The following COL4A5 variants were observed in gnomAD, a reference collection of about 807,000 sequenced individuals.
COL4A5 encodes the protein collagen type IV alpha 5 chain.
Under a neutral mutation model 130.2 loss-of-function variants are expected in COL4A5, and 26 were observed. That is an observed-to-expected ratio of 0.20 (90% CI 0.15 to 0.28). The LOEUF (loss-of-function observed/expected upper bound fraction) is 0.28. Ranked by LOEUF, COL4A5 falls within the 10% of genes least tolerant of loss-of-function variation. The pLI is 1.00. For missense variants in COL4A5, 1,131 were observed against 1,344.3 expected (o/e 0.84, Z 2.48); for synonymous variants, 496 against 439.6 (o/e 1.13, Z -1.60).
chrX:108,542,769 G>T (rs368322995), intron 2 of COL4A5, among the ~76,000 whole-genome samples: 4,359 of 101,117 alleles, frequency 0.043, 387 homozygotes, highest in African/African-American at 0.17. Context: ...TCCAGCACCT[G>T]TTGTTTCCTG....
intron 30 of COL4A5, among the ~76,000 whole-genome samples, chrX:108,615,915 A>G (rs1321937394): frequency 8.9e-6 from 1 of 112,516 alleles, no homozygotes; most frequent in East Asian, 2.8e-4. Flanking sequence ...TCCTGACCTT[A>G]AATGGCAGTA....
chrX:108,550,647 A>G (rs1054573022), intron 2 of COL4A5, among the ~76,000 whole-genome samples: 15 of 111,965 alleles, frequency 1.3e-4, no homozygotes, highest in Non-Finnish European at 2.5e-4. Context: ...ATCTGCTCTC[A>G]CCATTTCTAT....
chrX:108,591,740 C>T (rs2066439614), intron 21 of COL4A5, 96 bp downstream of exon 21: 1 of 676,888 alleles, frequency 1.5e-6, no homozygotes. Flanking sequence ...TAGCCACTGA[C>T]TCCCATGGTC....
intron 1 of COL4A5, among the ~76,000 whole-genome samples, chrX:108,528,607 G>A (rs942125021): frequency 7.2e-5 from 8 of 111,691 alleles, no homozygotes; most frequent in African/African-American, 9.7e-5. Context: ...AGATAATTCC[G>A]AAAAACAATA....
intron 22 of COL4A5, among the ~76,000 whole-genome samples, chrX:108,595,968 G>A (rs2066508627): frequency 9.0e-6 from 1 of 111,622 alleles, no homozygotes; most frequent in Admixed American, 9.5e-5. Context: ...TCCAGTCACT[G>A]GGGATGTATC....
intron 37 of COL4A5, among the ~76,000 whole-genome samples, chrX:108,662,650 T>C (rs577590511): frequency 9.0e-6 from 1 of 111,554 alleles, no homozygotes; most frequent in Non-Finnish European, 1.9e-5. Context: ...GGAATACAAC[T>C]TACAAGGGAT....
chrX:108,609,481 A>G (rs749707194), intron 29 of COL4A5, among the ~76,000 whole-genome samples: 3 of 111,878 alleles, frequency 2.7e-5, no homozygotes, highest in African/African-American at 6.5e-5. Context: ...TATGTCCTGC[A>G]TACTGGCCCT....
At chrX:108,449,914 T>C (rs1360602894) in intron 1 of COL4A5, among the ~76,000 whole-genome samples, 4 of 112,018 alleles carry the variant, frequency 3.6e-5, no homozygotes, top group African/African-American at 1.3e-4. Flanking sequence ...CATAAACATG[T>C]ATCATAGCAA....
At chrX:108,617,458 AT>A (rs1169091722) in intron 30 of COL4A5, among the ~76,000 whole-genome samples, 1 of 111,758 alleles carries the variant, frequency 8.9e-6, no homozygotes, top group Non-Finnish European at 1.9e-5. Flanking sequence ...GTTTTCTATT[AT>A]TTAATTAAGC....
chrX:108,581,292 G>A (rs1221505601), intron 16 of COL4A5, among the ~76,000 whole-genome samples: 3 of 111,846 alleles, frequency 2.7e-5, no homozygotes, highest in Admixed American at 1.9e-4. Context: ...ACATCACAGA[G>A]AATGGGGTAT....
intron 1 of COL4A5, among the ~76,000 whole-genome samples, chrX:108,498,571 G>A (rs2065052987): frequency 9.0e-6 from 1 of 111,173 alleles, no homozygotes; most frequent in African/African-American, 3.3e-5. Flanking sequence ...GAATCTATGG[G>A]CAAATTTTGG....
rs2064366299 is a variant in COL4A5 at position 108,439,888 on chromosome X, G to C, written c.-238G>C. The C allele has an allele frequency of 4.3e-5, 18 of 416,502 alleles. No individual in the cohort carries two copies. The South Asian group carries it at 6.6e-4, about 15-fold the overall frequency. The allele number at this position is 416,502 out of a possible 1,213,427, so 34.3% of individuals were successfully genotyped here. On this transcript the variant is annotated 5_prime_UTR_variant, in exon 1 of 53. Transcript: ENST00000328300. ...AAAGTTTGCAAGTCTGGACAGAAGG[G>C]AAAAGTTCTCCTGAGAGACCGGCTT...
intron 18 of COL4A5, among the ~76,000 whole-genome samples, chrX:108,585,743 A>G: frequency 9.0e-6 from 1 of 111,573 alleles, no homozygotes; most frequent in South Asian, 3.7e-4. Flanking sequence ...TTTTAAGAAA[A>G]TACTTAATGA....
chrX:108,598,663 G>A (rs761291776), intron 24 of COL4A5, 39 bp from the exon 25 acceptor site: 1 of 1,122,110 alleles, frequency 8.9e-7, no homozygotes, highest in Non-Finnish European at 1.2e-6. Flanking sequence ...GATAGTTGTT[G>A]TATCTATATG....
chrX:108,533,702 A>T (rs1351777229), intron 1 of COL4A5, among the ~76,000 whole-genome samples: 1 of 111,261 alleles, frequency 9.0e-6, no homozygotes, highest in East Asian at 2.8e-4. Flanking sequence ...TTAAATAAAA[A>T]GCTTCTGAAC....
chrX:108,495,733 G>T (rs748975327), intron 1 of COL4A5, among the ~76,000 whole-genome samples: 1 of 112,030 alleles, frequency 8.9e-6, no homozygotes, highest in Non-Finnish European at 1.9e-5. Context: ...AGGATGACCC[G>T]TTCTATGGAT....
intron 1 of COL4A5, among the ~76,000 whole-genome samples, chrX:108,441,911 T>TTATTGA (rs2064405134): frequency 8.0e-5 from 9 of 112,132 alleles, no homozygotes; most frequent in Non-Finnish European, 1.5e-4. Flanking sequence ...CAATGAGGTT[T>TTATTGA]CTTTTTATTG....
chrX:108,690,425 C>T (rs1603325167), intron 49 of COL4A5, among the ~76,000 whole-genome samples: 1 of 111,640 alleles, frequency 9.0e-6, no homozygotes, highest in East Asian at 2.8e-4. Flanking sequence ...TATAAAAATT[C>T]CAAATAATTC....
intron 25 of COL4A5, among the ~76,000 whole-genome samples, chrX:108,599,660 G>A (rs1353708457): frequency 8.9e-6 from 1 of 111,803 alleles, no homozygotes; most frequent in Admixed American, 9.5e-5. Flanking sequence ...GCACACTACA[G>A]AACTACAGTC....
Sources: allele counts gnomAD v4.1 joint callset (sites outside exome capture counted in the v4.1 genomes callset), GRCh38; gene constraint gnomAD v4.1.1; transcripts MANE v1.5; gene names NCBI Gene and HGNC (gene_info 2026-07-23, HGNC 2026-07-21).